The following TJP1 variants were observed in gnomAD, a reference collection of about 807,000 sequenced individuals.
TJP1 encodes tight junction protein 1.
In TJP1, 43 loss-of-function variants were observed where a neutral mutation model predicts 194.2. The observed-to-expected ratio is 0.22, with a 90% CI of 0.17 to 0.29. The LOEUF (loss-of-function observed/expected upper bound fraction) is 0.29, where lower values mean the gene tolerates loss of function less well. TJP1 is among the 10% of genes least tolerant of loss of function. The pLI, the probability that TJP1 is intolerant of heterozygous loss-of-function variation, is 1.00. For missense variants in TJP1, 1,971 were observed against 2,185.7 expected, an observed-to-expected ratio of 0.90 and a Z score of 1.96; for synonymous variants, 801 against 779.0, an observed-to-expected ratio of 1.03 and a Z score of -0.47.
chr15:29,888,525 C>T (rs72719092), intron 2 of TJP1, among the ~76,000 whole-genome samples: 13,691 of 152,132 alleles, frequency 0.09, 810 homozygotes, highest in East Asian at 0.24. Context: ...AAAATAAAGT[C>T]ATAAAAGAAA....
At chr15:29,780,303 G>T (rs1567012819) in intron 2 of TJP1, among the ~76,000 whole-genome samples, 1 of 151,976 alleles carries the variant, frequency 6.6e-6, no homozygotes, top group Non-Finnish European at 1.5e-5. Context: ...CCATCTGGGG[G>T]TGATGGGAGA....
At chr15:29,926,070 C>A (rs1320083828) in intron 2 of TJP1, among the ~76,000 whole-genome samples, 1 of 152,106 alleles carries the variant, frequency 6.6e-6, no homozygotes, top group African/African-American at 2.4e-5. Flanking sequence ...GACCCACACT[C>A]CCCCCAGTGG....
intron 2 of TJP1, among the ~76,000 whole-genome samples, chr15:29,789,643 T>G (rs2047941850): frequency 1.3e-5 from 2 of 152,008 alleles, no homozygotes; most frequent in African/African-American, 4.8e-5. Context: ...TAGCAGAAAA[T>G]GTTAGGTTCT....
At chr15:29,699,863 G>A (rs1438347265), downstream of TJP1, 5 of 169,478 alleles carry the variant, frequency 3.0e-5, no homozygotes, top group Non-Finnish European at 4.9e-5. Flanking sequence ...CCCCATGCAG[G>A]GGTGTTTCTC....
At chr15:29,772,009 G>A (rs1236790106) in intron 4 of TJP1, 55 bp downstream of exon 4, 1 of 1,085,710 alleles carries the variant, frequency 9.2e-7, no homozygotes, top group African/African-American at 1.6e-5. Context: ...TACCAGAAAT[G>A]TATCAACAAT....
intron 2 of TJP1, among the ~76,000 whole-genome samples, chr15:29,938,238 C>G (rs924531465): frequency 1.5e-4 from 23 of 152,156 alleles, no homozygotes; most frequent in African/African-American, 5.5e-4. Flanking sequence ...TGCAGTAAGT[C>G]AAAGTATATA....
chr15:29,818,794 C>G (rs927290741), intron 1 of TJP1, among the ~76,000 whole-genome samples: 2 of 150,348 alleles, frequency 1.3e-5, no homozygotes, highest in Admixed American at 1.3e-4. Context: ...GGGATTACAC[C>G]GCGCCCGGCC....
chr15:29,791,960 G>A (rs1354695783), intron 2 of TJP1, among the ~76,000 whole-genome samples: 1 of 151,494 alleles, frequency 6.6e-6, no homozygotes, highest in African/African-American at 2.4e-5. Context: ...CAGATCTTTT[G>A]CCCATTTTTA....
Position 29,737,342 on chromosome 15 carries a change from A to G in TJP1, c.1329T>C (p.Val443=), listed in dbSNP as rs1450695952. The change falls in exon 11 of 28, where the codon GTT becomes GTC. Residue 443 remains valine, a synonymous_variant. Transcript: ENST00000614355. ...VGLRLAGGND[V]GIFVAGVLED... ...CTAGAACGCCAGCTACAAATATTCC[A>G]ACATCATTTCCACCAGCCAGCCGCA... The G allele has an allele frequency of 6.2e-7, 1 of 1,614,164 alleles. No individual in the cohort carries two copies. Among genetic ancestry groups the G allele is most frequent in the East Asian group, 2.2e-5 (1 of 44,878 alleles).
At chr15:29,731,123 A>T in intron 15 of TJP1, 1 of 627,662 alleles carries the variant, frequency 1.6e-6, no homozygotes, top group Non-Finnish European at 2.8e-6. Flanking sequence ...CACACAGAAC[A>T]CTTCATTGTT....
At chr15:29,835,529 A>G (rs1415544521) in intron 2 of TJP1, among the ~76,000 whole-genome samples, 2 of 152,150 alleles carry the variant, frequency 1.3e-5, no homozygotes, top group East Asian at 3.9e-4. Flanking sequence ...AATTGCCTGT[A>G]GTCCCAGCTA....
At position 29,820,531 on chromosome 15, in the gene TJP1, C is replaced by T. The variant is rs45510691; in HGVS notation, c.27+1471G>A. The T allele has an allele frequency of 1.8e-4, 132 of 716,866 alleles. No individual in the cohort carries two copies. In the African/African-American group the frequency reaches 2.1e-3, roughly 11 times the overall value. The allele number at this position is 716,866 out of a possible 1,614,324, so 44.4% of individuals were successfully genotyped here. On this transcript the variant is annotated intron_variant, in intron 1 of 27. Transcript: ENST00000614355. ...CAGGAGAAGTACTCCTCCTACCTTA[C>T]TGTGGCAATCCATTGAAAACGTATT...
chr15:29,732,534 G>A lies in TJP1; in HGVS notation c.1922-6C>T. 6.2e-7 allele frequency: 1 copy of A among 1,614,074 alleles called. No individual in the cohort carries two copies. The highest frequency in any genetic ancestry group is 1.1e-5 in the South Asian group (1 of 91,070). On this transcript the variant is annotated splice_polypyrimidine_tract_variant and splice_region_variant and intron_variant, in intron 14 of 27. Transcript: ENST00000614355. ...TACAGGCCTCAGAAATCCAGCTGGA[G>A]AGAAATTCACATGAAAAACAGCATA... is the stretch of plus-strand genomic sequence containing the variant.
intron 1 of TJP1, among the ~76,000 whole-genome samples, chr15:29,810,850 C>T (rs989663974): frequency 6.6e-6 from 1 of 152,156 alleles, no homozygotes; most frequent in African/African-American, 2.4e-5. Flanking sequence ...GTGCATCTCT[C>T]ATTCATTCAA....
At chr15:29,705,951 A>G (rs549354271) in intron 25 of TJP1, among the ~76,000 whole-genome samples, 1 of 152,318 alleles carries the variant, frequency 6.6e-6, no homozygotes, top group South Asian at 2.1e-4. Flanking sequence ...TTTGGTTTTG[A>G]GACAGAGTCT....
At chr15:29,748,922 A>ATG (rs112772922) in intron 8 of TJP1, among the ~76,000 whole-genome samples, 9,283 of 104,538 alleles carry the variant, frequency 0.089, 907 homozygotes, top group African/African-American at 0.24. Flanking sequence ...AAGCTTAAAA[A>ATG]TGTGTGTGTG....
chr15:29,809,130 G>C (rs899844296), intron 1 of TJP1, among the ~76,000 whole-genome samples: 1 of 152,140 alleles, frequency 6.6e-6, no homozygotes, highest in East Asian at 1.9e-4. Context: ...AAATATACAT[G>C]CAACAGTATT....
At chr15:29,701,740 C>T (rs778259899) in intron 27 of TJP1, 51 bp from the exon 28 acceptor site, 17 of 1,384,834 alleles carry the variant, frequency 1.2e-5, no homozygotes, top group Admixed American at 5.1e-5. Context: ...AACTGCTATC[C>T]GTAATGCTTT....
intron 1 of TJP1, among the ~76,000 whole-genome samples, chr15:29,966,141 T>C (rs939963121): frequency 9.9e-5 from 15 of 152,232 alleles, no homozygotes; most frequent in African/African-American, 3.6e-4. Context: ...TATAGTTTCC[T>C]AACTTTGTGA....
Sources: allele counts gnomAD v4.1 joint callset (sites outside exome capture counted in the v4.1 genomes callset), GRCh38; gene constraint gnomAD v4.1.1; transcripts MANE v1.5; gene names NCBI Gene and HGNC (gene_info 2026-07-23, HGNC 2026-07-21).